DOCK4: variants seen among roughly 807,000 people sequenced by gnomAD.
DOCK4 encodes the protein dedicator of cytokinesis protein 4.
In DOCK4, 97 loss-of-function variants were observed where a neutral mutation model predicts 268.1. That is an observed-to-expected ratio of 0.36 (90% CI 0.31 to 0.43). DOCK4 has a LOEUF of 0.43. DOCK4 is among the 20% of genes least tolerant of loss of function. The pLI, the probability that DOCK4 is intolerant of heterozygous loss-of-function variation, is 1.00. For synonymous variants in DOCK4, 954 were observed against 887.2 expected (o/e 1.08, Z -1.34); for missense variants, 2,145 against 2,455.7 (o/e 0.87, Z 2.67).
intron 1 of DOCK4, among the ~76,000 whole-genome samples, chr7:112,017,209 G>A (rs1354156583): frequency 6.6e-6 from 1 of 152,108 alleles, no homozygotes; most frequent in Non-Finnish European, 1.5e-5. Flanking sequence ...TATTAATTCT[G>A]TGGCATACTG....
intron 1 of DOCK4, among the ~76,000 whole-genome samples, chr7:112,015,872 G>T (rs990121705): frequency 6.6e-6 from 1 of 152,178 alleles, no homozygotes; most frequent in African/African-American, 2.4e-5. Context: ...GTGGAAGGAC[G>T]AAGAACATGA....
At chr7:111,954,021 A>T (rs1199517245) in intron 8 of DOCK4, among the ~76,000 whole-genome samples, 1 of 152,220 alleles carries the variant, frequency 6.6e-6, no homozygotes, top group African/African-American at 2.4e-5. Flanking sequence ...CCTCTTTGAG[A>T]ATTTCTCATT....
intron 36 of DOCK4, among the ~76,000 whole-genome samples, chr7:111,775,510 A>C (rs1798385149): frequency 6.6e-6 from 1 of 152,208 alleles, no homozygotes; most frequent in Non-Finnish European, 1.5e-5. Context: ...CTGAGGAAAA[A>C]AACGAATACT....
At chr7:111,728,881 C>T (rs1794864167) in intron 52 of DOCK4, among the ~76,000 whole-genome samples, 161 bp from the exon 53 acceptor site, 2 of 152,152 alleles carry the variant, frequency 1.3e-5, no homozygotes, top group Middle Eastern at 3.2e-3. Context: ...AGGTAAAAGG[C>T]CATTATGGTG....
intron 23 of DOCK4, among the ~76,000 whole-genome samples, chr7:111,860,774 A>G (rs1367038794): frequency 6.6e-6 from 1 of 152,048 alleles, no homozygotes; most frequent in African/African-American, 2.4e-5. Flanking sequence ...ACGGGACCCA[A>G]CATTCTTTAT....
intron 12 of DOCK4, among the ~76,000 whole-genome samples, chr7:111,916,844 A>G (rs931193847): frequency 3.9e-5 from 6 of 151,990 alleles, no homozygotes; most frequent in African/African-American, 1.4e-4. Context: ...ATTGTGGAAT[A>G]GGTGGTATTT....
At chr7:112,111,374 T>C (rs985073422) in intron 1 of DOCK4, among the ~76,000 whole-genome samples, 2 of 152,052 alleles carry the variant, frequency 1.3e-5, no homozygotes, top group Middle Eastern at 3.2e-3. Flanking sequence ...TTCTTCTCCT[T>C]AGGACATAGG....
At position 111,934,572 on chromosome 7, in the gene DOCK4, C is replaced by T. The variant is rs180909013; in HGVS notation, c.1066+968G>A. 4.5e-3 allele frequency among the ~76,000 whole-genome samples: 659 copies of T among 145,006 alleles called. 4 individuals are homozygous for T. The highest frequency in any genetic ancestry group is 0.015 in the African/African-American group (575 of 38,334). ...TTAGACAGTGTCTTGCTCTGTCACCCGGGCTGCAGTGCAGTGGCGCGACCT... is the reference window on the plus strand; with the variant it reads ...TTAGACAGTGTCTTGCTCTGTCACCTGGGCTGCAGTGCAGTGGCGCGACCT... On this transcript the variant is annotated intron_variant, in intron 12 of 52. Transcript: ENST00000428084.
At chr7:112,000,645 T>G (rs1215777236) in intron 2 of DOCK4, 111 bp from the exon 3 acceptor site, 2 of 769,170 alleles carry the variant, frequency 2.6e-6, no homozygotes, top group Non-Finnish European at 4.0e-6. Context: ...ATGAAAAGAT[T>G]CTATGGATAA....
chr7:112,012,580 C>T (rs1366094517), intron 1 of DOCK4, among the ~76,000 whole-genome samples: 1 of 152,114 alleles, frequency 6.6e-6, no homozygotes, highest in Non-Finnish European at 1.5e-5. Context: ...AACTGCTTTT[C>T]CCACAATCCA....
At chr7:111,938,936 T>A (rs1294694405) in intron 11 of DOCK4, among the ~76,000 whole-genome samples, 3 of 135,730 alleles carry the variant, frequency 2.2e-5, no homozygotes, top group Admixed American at 1.6e-4. Context: ...ATTGCTCCAC[T>A]ACACTCCAGC....
At chr7:111,995,065 T>C (rs1322183825) in intron 4 of DOCK4, among the ~76,000 whole-genome samples, 1 of 150,426 alleles carries the variant, frequency 6.6e-6, no homozygotes, top group Non-Finnish European at 1.5e-5. Flanking sequence ...AGAGTCTTGC[T>C]CTGTCGCCCA....
chr7:112,054,193 T>C (rs1805620126), intron 1 of DOCK4, among the ~76,000 whole-genome samples: 1 of 151,986 alleles, frequency 6.6e-6, no homozygotes, highest in Non-Finnish European at 1.5e-5. Flanking sequence ...CAAAGTAACA[T>C]ATTTGGAACT....
chr7:111,755,009 T>G (rs1049633640), intron 42 of DOCK4, among the ~76,000 whole-genome samples: 3 of 152,216 alleles, frequency 2.0e-5, no homozygotes, highest in Non-Finnish European at 4.4e-5. Context: ...GAGAGTAATA[T>G]AATTGGCTTT....
At chr7:111,907,533 T>G (rs1479485018) in intron 13 of DOCK4, among the ~76,000 whole-genome samples, 2 of 152,100 alleles carry the variant, frequency 1.3e-5, no homozygotes, top group African/African-American at 4.8e-5. Flanking sequence ...GATCTAGGTC[T>G]GGGATAAAAC....
At chr7:112,122,196 A>G (rs1812792045) in intron 1 of DOCK4, among the ~76,000 whole-genome samples, 1 of 152,170 alleles carries the variant, frequency 6.6e-6, no homozygotes, top group Non-Finnish European at 1.5e-5. Context: ...ACAAAACATA[A>G]AATTTACCAT....
At chr7:111,850,138 T>C (rs1804428908) in intron 23 of DOCK4, among the ~76,000 whole-genome samples, 1 of 152,088 alleles carries the variant, frequency 6.6e-6, no homozygotes, top group Non-Finnish European at 1.5e-5. Flanking sequence ...TTTTCAAAAC[T>C]TTAGCAAGTC....
At chr7:111,732,174 G>GA in intron 52 of DOCK4, 52 bp downstream of exon 52, 1 of 1,581,982 alleles carries the variant, frequency 6.3e-7, no homozygotes, top group Non-Finnish European at 8.7e-7. Context: ...GAGTCTTAGA[G>GA]AAAAAGAAAA....
chr7:111,987,602 G>A (rs1251206784), intron 6 of DOCK4, among the ~76,000 whole-genome samples: 2 of 152,204 alleles, frequency 1.3e-5, no homozygotes, highest in Non-Finnish European at 1.5e-5. Flanking sequence ...CGGCAGGATA[G>A]GAAGTTCCCT....
Sources: allele counts gnomAD v4.1 joint callset (sites outside exome capture counted in the v4.1 genomes callset), GRCh38; gene constraint gnomAD v4.1.1; transcripts MANE v1.5; gene names NCBI Gene and HGNC (gene_info 2026-07-23, HGNC 2026-07-21).